ENC1: variants seen among roughly 807,000 people sequenced by gnomAD.
ENC1 encodes ectodermal-neural cortex 1, also known as ectoderm-neural cortex protein 1.
In ENC1, 19 loss-of-function variants were observed where a neutral mutation model predicts 40.9. The observed-to-expected ratio is 0.46, with a 90% CI of 0.32 to 0.68. The LOEUF (loss-of-function observed/expected upper bound fraction) is 0.68, where lower values mean the gene tolerates loss of function less well. Among genes scored for constraint, ENC1 ranks in the 30% least tolerant of loss-of-function variants. ENC1 has a pLI of 0.03. For missense variants in ENC1, 479 were observed against 737.5 expected (o/e 0.65, Z 4.06); for synonymous variants, 285 against 291.1 (o/e 0.98, Z 0.21).
At chr5:74,637,106 T>C (rs1747629096) in intron 1 of ENC1, among the ~76,000 whole-genome samples, 1 of 152,264 alleles carries the variant, frequency 6.6e-6, no homozygotes, top group African/African-American at 2.4e-5. Context: ...ATGTTACAGA[T>C]AATGTATTTC....
In ENC1 at chr5:74,635,994, C is replaced by A; in HGVS notation, c.492G>T (p.Leu164=). The stretch of plus-strand genomic sequence containing the variant: ...GACACATTCTCCAAGATAGTTCGTA[C>A]AGCTTGGTGCACTGGTGTGCATCAG... ...LLSDAHQCTK[L]YELSWRMCLS... The change falls in exon 2 of 3, where the codon CTG becomes CTT. Residue 164 remains leucine (L), a synonymous_variant. Transcript: ENST00000302351. The surrounding 1 kb of genome is among the most constrained non-coding windows in gnomAD (Gnocchi z 5.5). The A allele has an allele frequency of 6.2e-7, 1 of 1,614,160 alleles. No homozygotes were observed. Among genetic ancestry groups the A allele is most frequent in the Non-Finnish European group, 8.5e-7 (1 of 1,179,998 alleles).
rs912324528 is a variant in ENC1, at chr5:74,629,117, G to A, written c.*908C>T. 1 of 152,082 alleles carries A rather than the reference G, an allele frequency of 6.6e-6. No individual in the cohort carries two copies. Among genetic ancestry groups the A allele is most frequent in the African/African-American group, 2.4e-5 (1 of 41,388 alleles). 9.4% of individuals were successfully genotyped at this position (152,082 alleles called of 1,614,324 possible). On this transcript the variant is annotated 3_prime_UTR_variant, in exon 3 of 3. Coordinates refer to ENST00000302351, the MANE Select transcript of ENC1 (RefSeq NM_003633.4). ...ATCTCCACGGTTTCTCTACCTCTAG[G>A]ATGTCATTTAAATTTCCATTTTGTC...
Position 74,636,160 on chromosome 5 carries a change from C to T in ENC1, c.326G>A (p.Arg109Gln), listed in dbSNP as rs1747583885. Residue 109 changes from arginine to glutamine, a missense_variant, in exon 2 of 3, where the codon CGG (arginine) becomes CAG (glutamine). Arg to Gln is a conservative substitution (Grantham distance 43). Coordinates refer to ENST00000302351, the MANE Select transcript of ENC1 (RefSeq NM_003633.4). This position sits in a 1 kb window ranked among gnomAD's most constrained non-coding sequence, Gnocchi z 4.8. ...ELLLDYAYSS[R>Q]VIINEENAES... is the part of the protein sequence containing the mutation. Reference sequence around the variant, plus strand: ...TGCATTTTCTTCATTGATGATGACCCGGGAGGAGTACGCATAGTCAAGCAG... The same window carrying T: ...TGCATTTTCTTCATTGATGATGACCTGGGAGGAGTACGCATAGTCAAGCAG... 3.1e-6 allele frequency: 5 copies of T among 1,614,074 alleles called. No homozygotes were observed. Among genetic ancestry groups the T allele is most frequent in the Non-Finnish European group, 3.4e-6 (4 of 1,179,998 alleles).
chr5:74,630,523 A>T (rs943868814), intron 2 of ENC1, among the ~76,000 whole-genome samples: 2 of 152,182 alleles, frequency 1.3e-5, no homozygotes, highest in African/African-American at 4.8e-5. Context: ...ATTTAAATGC[A>T]TCTCTGTTAT....
intron 2 of ENC1, among the ~76,000 whole-genome samples, chr5:74,630,918 C>T (rs1747369576): frequency 6.6e-6 from 1 of 152,126 alleles, no homozygotes; most frequent in Non-Finnish European, 1.5e-5. Context: ...TGTTCAGAAG[C>T]CTGATTCATT....
At position 74,636,019 on chromosome 5, in the gene ENC1, G is replaced by T. The variant is rs1561193546; in HGVS notation, c.467C>A (p.Ser156Tyr). The T allele has an allele frequency of 6.2e-7, 1 of 1,613,958 alleles. No individual in the cohort carries two copies. The highest frequency in any genetic ancestry group is 8.5e-7 in the Non-Finnish European group (1 of 1,179,822). Residue 156 changes from serine (S) to tyrosine (Y), a missense_variant, in exon 2 of 3, where the codon TCT (serine) becomes TAT (tyrosine). Transcript: ENST00000302351. This position sits in a 1 kb window ranked among gnomAD's most constrained non-coding sequence, Gnocchi z 4.8. ...PTNCLGMLLL[S>Y]DAHQCTKLYE... Reference sequence around the variant, plus strand: ...CAGCTTGGTGCACTGGTGTGCATCAGACAGCAGCAGCATGCCCAGGCAGTT... The same window carrying T: ...CAGCTTGGTGCACTGGTGTGCATCATACAGCAGCAGCATGCCCAGGCAGTT...
intron 1 of ENC1, among the ~76,000 whole-genome samples, chr5:74,639,468 C>T (rs777790036): frequency 6.6e-6 from 1 of 152,228 alleles, no homozygotes; most frequent in Non-Finnish European, 1.5e-5. Context: ...ACTTCATGCT[C>T]CTAACTCAGG....
Position 74,635,174 on chromosome 5 carries a change from C to T in ENC1, c.1312G>A (p.Ala438Thr), listed in dbSNP as rs145105480. 1.9e-6 allele frequency: 3 copies of T among 1,614,154 alleles called. No individual in the cohort carries two copies. Among genetic ancestry groups the T allele is most frequent in the South Asian group, 1.1e-5 (1 of 91,082 alleles). The change falls in exon 2 of 3, where the codon GCA (alanine) becomes ACA (threonine). Residue 438 changes from alanine to threonine, a missense_variant. Coordinates refer to ENST00000302351, the MANE Select transcript of ENC1 (RefSeq NM_003633.4). The surrounding 1 kb of genome is among the most constrained non-coding windows in gnomAD (Gnocchi z 5.5). ...AACTTAAGTTTGGCACTCACTACTG[C>T]GGCGTTGCTAACGCCTTCTCGGAGT... is the stretch of plus-strand genomic sequence containing the variant. ...APLREGVSNA[A>T]VVSAKLKLFA... is the part of the protein sequence containing the mutation.
intron 2 of ENC1, among the ~76,000 whole-genome samples, chr5:74,631,021 C>G (rs1024643469): frequency 8.6e-5 from 13 of 151,968 alleles, no homozygotes; most frequent in African/African-American, 2.9e-4. Flanking sequence ...CCTCCACCTC[C>G]TTGTAACCTA....
intron 1 of ENC1, among the ~76,000 whole-genome samples, chr5:74,639,275 C>T (rs1747735154): frequency 6.6e-6 from 1 of 152,216 alleles, no homozygotes. Context: ...CTGAACACAC[C>T]TTCAACATAA....
In ENC1 at chr5:74,627,447, T is replaced by C. The variant is rs1473157824; in HGVS notation, c.*2578A>G. The C allele has an allele frequency of 1.3e-5, 2 of 150,082 alleles. No homozygotes were observed. The highest frequency in any genetic ancestry group is 3.0e-5 in the Non-Finnish European group (2 of 67,632). The allele number at this position is 150,082 out of a possible 1,614,324, so 9.3% of individuals were successfully genotyped here. A position where few individuals can be genotyped will look rare whatever the true frequency, so the allele number is the denominator to read the frequency against. ...TCTAATAATTTATTGACCTTCAGTT[T>C]CACATTGTGAAAAAAAAAAAAATAA... On this transcript the variant is annotated 3_prime_UTR_variant, in exon 3 of 3. Transcript: ENST00000302351.
At chr5:74,630,052 G>A (rs1747340075) in intron 2 of ENC1, 60 bp from the exon 3 acceptor site, 1 of 152,146 alleles carries the variant, frequency 6.6e-6, no homozygotes, top group African/African-American at 2.4e-5. Flanking sequence ...TTTGTGTGAT[G>A]CCATAGTTTT....
chr5:74,632,722 G>T (rs953168685), intron 2 of ENC1, among the ~76,000 whole-genome samples: 2 of 152,142 alleles, frequency 1.3e-5, no homozygotes, highest in African/African-American at 4.8e-5. Flanking sequence ...CGTGGTGGCG[G>T]GCACTGTAAT....
Position 74,634,841 on chromosome 5 carries a change from T to A in ENC1, c.1645A>T (p.Ile549Phe). The stretch of plus-strand genomic sequence containing the variant: ...CAGTCCAAAGTCTTGCATCGCTGAA[T>A]GCCAAAGTATCCTCCAACCACGTAG... Reference protein sequence around the residue: ...KLYVVGGYFGIQRCKTLDCYD... With the variant: ...KLYVVGGYFGFQRCKTLDCYD... The change falls in exon 2 of 3, where the codon ATT becomes TTT. Residue 549 changes from isoleucine to phenylalanine, a missense_variant. Ile to Phe is a conservative substitution (Grantham distance 21, BLOSUM62 0). Coordinates refer to ENST00000302351, the MANE Select transcript of ENC1 (RefSeq NM_003633.4). 6.2e-7 allele frequency: 1 copy of A among 1,614,186 alleles called. No homozygotes were observed. The highest frequency in any genetic ancestry group is 8.5e-7 in the Non-Finnish European group (1 of 1,180,004).
rs183749039 is a variant in ENC1 at position 74,636,973 on chromosome 5, C to A, written c.-13-475G>T. ...ATGCCCCATGCAACATAAAGCCATG[C>A]GTAAAACAAACACCTAATAATTAAT... is the stretch of plus-strand genomic sequence containing the variant. On this transcript the variant is annotated intron_variant, in intron 1 of 2. Transcript: ENST00000302351. The surrounding 1 kb of genome is among the most constrained non-coding windows in gnomAD (Gnocchi z 4.8). Among the ~76,000 whole-genome samples, 2 of 152,256 alleles carry A rather than the reference C, an allele frequency of 1.3e-5. No homozygotes were observed. Among genetic ancestry groups the A allele is most frequent in the African/African-American group, 2.4e-5 (1 of 41,546 alleles).
chr5:74,635,586 C>G lies in ENC1; in HGVS notation c.900G>C (p.Leu300=). The G allele has an allele frequency of 6.2e-7, 1 of 1,614,248 alleles. No homozygotes were observed. Among genetic ancestry groups the G allele is most frequent in the Non-Finnish European group, 8.5e-7 (1 of 1,180,052 alleles). The change falls in exon 2 of 3, where the codon CTG becomes CTC. Residue 300 remains leucine (L), a synonymous_variant. Transcript: ENST00000302351. The surrounding 1 kb of genome is among the most constrained non-coding windows in gnomAD (Gnocchi z 5.5). ...PRKTGHALFL[L]GGQTFMCDKL... The stretch of plus-strand genomic sequence containing the variant: ...TGTCACACATGAAAGTCTGTCCTCC[C>G]AGAAGGAAGAGGGCATGGCCAGTTT...
In ENC1 at chr5:74,632,592, G is replaced by A. The variant is rs1160150816; in HGVS notation, c.*32+2092C>T. Among the ~76,000 whole-genome samples the A allele has an allele frequency of 5.9e-5, 9 of 152,196 alleles. 1 individual carries two copies. In the South Asian group the frequency reaches 8.3e-4, roughly 14 times the overall value. ...CTGGAGGCCAAGTGCGGTGGCTCAC[G>A]CCTGTAATCCCAGCACTTTGGGAGG... On this transcript the variant is annotated intron_variant, in intron 2 of 2. Transcript: ENST00000302351.
intron 2 of ENC1, among the ~76,000 whole-genome samples, chr5:74,631,127 C>T (rs1400381972): frequency 6.6e-6 from 1 of 151,420 alleles, no homozygotes; most frequent in Admixed American, 6.6e-5. Flanking sequence ...CACACACCCT[C>T]CCCCCAAAAA....
chr5:74,636,440 C>T lies in ENC1; in HGVS notation c.46G>A (p.Gly16Ser), dbSNP rs769340467. ...HENRKSRASS[G>S]SINIYLFHKS... Reference sequence around the variant, plus strand: ...TGAAACAGATAGATGTTAATGGAGCCGCTGCTGGCCCTGGACTTGCGGTTC... The same window carrying T: ...TGAAACAGATAGATGTTAATGGAGCTGCTGCTGGCCCTGGACTTGCGGTTC... The change falls in exon 2 of 3, where the codon GGC (glycine) becomes AGC (serine). Residue 16 changes from glycine (G) to serine (S), a missense_variant. Transcript: ENST00000302351. This position sits in a 1 kb window ranked among gnomAD's most constrained non-coding sequence, Gnocchi z 4.8. 33 of 1,613,330 alleles carry T rather than the reference C, an allele frequency of 2.0e-5. No homozygotes were observed. The highest frequency in any genetic ancestry group is 8.9e-5 in the East Asian group (4 of 44,860).
Sources: gnomAD v4.1 joint callset for allele counts (sites outside exome capture counted in the v4.1 genomes callset) on GRCh38, gnomAD v4.1.1 for gene constraint, Gnocchi (gnomAD v3.1) non-coding constraint, MANE v1.5 for transcripts, NCBI Gene and HGNC (gene_info 2026-07-23, HGNC 2026-07-21) for gene names.